RNF216: variants seen among roughly 807,000 people sequenced by gnomAD.
RNF216 encodes ring finger protein 216.
A neutral mutation model predicts 110.8 loss-of-function variants in RNF216; 72 were observed. The ratio of observed to expected loss-of-function variants is 0.65; its 90% confidence interval spans 0.54 to 0.79. The LOEUF (loss-of-function observed/expected upper bound fraction) is 0.79, where lower values mean the gene tolerates loss of function less well. RNF216 is among the 30% of genes least tolerant of loss of function. RNF216 has a pLI of 0.00. For synonymous variants in RNF216, 495 were observed against 407.5 expected (o/e 1.21, Z -2.59); for missense variants, 1,342 against 1,141.2 (o/e 1.18, Z -2.54).
chr7:5,670,852 G>A (rs1789862016), intron 13 of RNF216, among the ~76,000 whole-genome samples: 1 of 152,194 alleles, frequency 6.6e-6, no homozygotes, highest in Non-Finnish European at 1.5e-5. Context: ...CATATAAGGA[G>A]GCCGTCTGTA....
At chr7:5,728,568 C>A (rs113910899) in intron 7 of RNF216, among the ~76,000 whole-genome samples, 7 of 149,766 alleles carry the variant, frequency 4.7e-5, no homozygotes, top group South Asian at 2.1e-4. Flanking sequence ...AGTGAGACTC[C>A]GTCTCAAAAA....
intron 13 of RNF216, among the ~76,000 whole-genome samples, chr7:5,691,975 C>T (rs1304393550): frequency 1.3e-5 from 2 of 152,188 alleles, no homozygotes; most frequent in Non-Finnish European, 2.9e-5. Context: ...AGATACAATA[C>T]TTTATATTGT....
chr7:5,660,740 G>T (rs1029195125), intron 13 of RNF216, among the ~76,000 whole-genome samples: 1 of 151,738 alleles, frequency 6.6e-6, no homozygotes, highest in African/African-American at 2.4e-5. Flanking sequence ...ACCATGCCTG[G>T]CTAATTTTTT....
At chr7:5,738,168 T>C (rs1794543445) in intron 5 of RNF216, among the ~76,000 whole-genome samples, 1 of 151,984 alleles carries the variant, frequency 6.6e-6, no homozygotes, top group African/African-American at 2.4e-5. Context: ...GAGTATATTT[T>C]TCATTTTATA....
intron 15 of RNF216, among the ~76,000 whole-genome samples, chr7:5,635,290 CTTT>C (rs755049416): frequency 8.8e-5 from 12 of 135,834 alleles, no homozygotes; most frequent in African/African-American, 8.1e-5. Flanking sequence ...ACTAACTTCA[CTTT>C]TTTTTTTTTT....
chr7:5,775,433 A>G (rs1334280164), intron 1 of RNF216, among the ~76,000 whole-genome samples: 1 of 151,984 alleles, frequency 6.6e-6, no homozygotes, highest in African/African-American at 2.4e-5. Flanking sequence ...CTAAACTACT[A>G]CTGTATGATC....
At chr7:5,734,535 T>C (rs1282802257) in intron 5 of RNF216, among the ~76,000 whole-genome samples, 1 of 151,886 alleles carries the variant, frequency 6.6e-6, no homozygotes, top group African/African-American at 2.4e-5. Context: ...GTTTAAAAAC[T>C]ATACACAATA....
chr7:5,781,139 C>T (rs980955678), intron 1 of RNF216, among the ~76,000 whole-genome samples: 59 of 152,198 alleles, frequency 3.9e-4, no homozygotes, highest in Non-Finnish European at 6.3e-4. Context: ...AGGCACGGCC[C>T]GCCTCCCGCC....
In RNF216 at chr7:5,680,347, C is replaced by G. The variant is rs1790569936; in HGVS notation, c.2062-27837G>C. The G allele has an allele frequency of 6.6e-6, 1 of 152,240 alleles. No individual in the cohort carries two copies. The highest frequency in any genetic ancestry group is 2.4e-5 in the African/African-American group (1 of 41,442). The allele number at this position is 152,240 out of a possible 1,614,324, so 9.4% of individuals were successfully genotyped here. ...GCGATCCACTCCCCCAAGCCCAAGT[C>G]TCCTACCCGAGTCCTCCACGTGGTG... is the stretch of plus-strand genomic sequence containing the variant. On this transcript the variant is annotated intron_variant, in intron 13 of 16. Coordinates refer to ENST00000389902, the MANE Select transcript of RNF216 (RefSeq NM_207111.4). This position sits in a 1 kb window ranked among gnomAD's most constrained non-coding sequence, Gnocchi z 4.3.
At chr7:5,755,705 G>C (rs1795599575) in intron 2 of RNF216, among the ~76,000 whole-genome samples, 1 of 152,076 alleles carries the variant, frequency 6.6e-6, no homozygotes. Flanking sequence ...TCTGTTGATA[G>C]ACATTTGAGT....
At chr7:5,701,276 G>A (rs936700343) in intron 13 of RNF216, among the ~76,000 whole-genome samples, 1 of 152,208 alleles carries the variant, frequency 6.6e-6, no homozygotes, top group African/African-American at 2.4e-5. Flanking sequence ...CTGGGGAGCT[G>A]GTAGAAATGA....
intron 13 of RNF216, among the ~76,000 whole-genome samples, chr7:5,707,109 C>T (rs1390520773): frequency 1.3e-5 from 2 of 152,156 alleles, no homozygotes; most frequent in African/African-American, 4.8e-5. Context: ...TATTTCTGAG[C>T]ACTGTATTAT....
At chr7:5,660,494 G>C (rs369439165) in intron 13 of RNF216, among the ~76,000 whole-genome samples, 2 of 151,618 alleles carry the variant, frequency 1.3e-5, no homozygotes. Context: ...GTTTCACCAT[G>C]TCGGCCAGGA....
intron 3 of RNF216, among the ~76,000 whole-genome samples, chr7:5,751,212 T>C (rs1210857988): frequency 6.6e-6 from 1 of 152,130 alleles, no homozygotes; most frequent in Non-Finnish European, 1.5e-5. Flanking sequence ...AGTGTGATAA[T>C]GAGGACACCA....
chr7:5,778,437 C>G (rs1026688347), intron 1 of RNF216, among the ~76,000 whole-genome samples: 2 of 152,160 alleles, frequency 1.3e-5, no homozygotes, highest in Non-Finnish European at 2.9e-5. Context: ...CTTCAAAGTA[C>G]TTCCAACAAT....
Position 5,712,710 on chromosome 7 carries a change from C to T in RNF216, c.1982+5G>A, listed in dbSNP as rs377559732. ...GCAGATGGCACGCTCTGCCTGAGAA[C>T]GAACCTGACAAGCTCGTCGGCGTAG... On this transcript the variant is annotated splice_donor_5th_base_variant and intron_variant, in intron 12 of 16. Transcript: ENST00000389902. The T allele has an allele frequency of 2.4e-5, 39 of 1,613,852 alleles. No individual in the cohort carries two copies. The highest frequency in any genetic ancestry group is 5.5e-5 in the South Asian group (5 of 91,078).
At chr7:5,655,229 C>T (rs1013193835) in intron 13 of RNF216, among the ~76,000 whole-genome samples, 3 of 152,178 alleles carry the variant, frequency 2.0e-5, no homozygotes, top group Non-Finnish European at 4.4e-5. Context: ...CTCTGCTCAC[C>T]CTCTACGTCA....
At chr7:5,683,631 T>C (rs926793683) in intron 13 of RNF216, among the ~76,000 whole-genome samples, 3 of 152,246 alleles carry the variant, frequency 2.0e-5, no homozygotes, top group Non-Finnish European at 2.9e-5. Context: ...CCCCTTTGAG[T>C]GCACACTTAA....
chr7:5,672,997 G>GT (rs1790019710), intron 13 of RNF216, among the ~76,000 whole-genome samples: 1 of 152,196 alleles, frequency 6.6e-6, no homozygotes, highest in Admixed American at 6.5e-5. Flanking sequence ...GTTTATAGAT[G>GT]TATTGTGTCT....
Sources: gnomAD v4.1 joint callset for allele counts (sites outside exome capture counted in the v4.1 genomes callset) on GRCh38, gnomAD v4.1.1 for gene constraint, Gnocchi (gnomAD v3.1) non-coding constraint, MANE v1.5 for transcripts, NCBI Gene and HGNC (gene_info 2026-07-23, HGNC 2026-07-21) for gene names.